Variants in ADAMTS3 observed in about 807,000 individuals in gnomAD.
The protein encoded by ADAMTS3 is A disintegrin and metalloproteinase with thrombospondin motifs 3.
In ADAMTS3, 73 loss-of-function variants were observed where a neutral mutation model predicts 129.0. That is an observed-to-expected ratio of 0.57 (90% CI 0.47 to 0.69). ADAMTS3 has a LOEUF of 0.69. ADAMTS3 is among the 30% of genes least tolerant of loss of function. The pLI is 0.00. For missense variants in ADAMTS3, 1,457 were observed against 1,514.5 expected, an observed-to-expected ratio of 0.96 and a Z score of 0.63; for synonymous variants, 477 against 510.8, an observed-to-expected ratio of 0.93 and a Z score of 0.89.
chr4:72,300,906 C>T (rs1020427629), intron 17 of ADAMTS3, among the ~76,000 whole-genome samples: 6 of 152,120 alleles, frequency 3.9e-5, no homozygotes, highest in Non-Finnish European at 8.8e-5. Flanking sequence ...AGCAGAGTAA[C>T]CCCCAGTCAA....
intron 3 of ADAMTS3, among the ~76,000 whole-genome samples, chr4:72,446,356 G>A (rs751833589): frequency 6.6e-6 from 1 of 151,600 alleles, no homozygotes; most frequent in Non-Finnish European, 1.5e-5. Flanking sequence ...CCTTAACAAG[G>A]AGAATGAGAC....
At chr4:72,545,080 C>A (rs930173299) in intron 3 of ADAMTS3, among the ~76,000 whole-genome samples, 2 of 151,586 alleles carry the variant, frequency 1.3e-5, no homozygotes, top group African/African-American at 2.4e-5. Context: ...TTTGAAAACT[C>A]TTTTTTTTGT....
intron 4 of ADAMTS3, among the ~76,000 whole-genome samples, chr4:72,373,910 A>C (rs1299889151): frequency 1.3e-4 from 1 of 7,824 alleles, no homozygotes; most frequent in Admixed American, 6.8e-3. Flanking sequence ...AATAATAATA[A>C]TAATAATAAT....
intron 3 of ADAMTS3, among the ~76,000 whole-genome samples, chr4:72,474,214 A>C (rs1354372734): frequency 1.3e-5 from 2 of 152,254 alleles, no homozygotes; most frequent in Non-Finnish European, 2.9e-5. Flanking sequence ...AAATGAAAAA[A>C]GACAATTAAT....
chr4:72,548,412 T>C (rs1721520533), intron 3 of ADAMTS3, 66 bp downstream of exon 3: 9 of 1,507,004 alleles, frequency 6.0e-6, no homozygotes, highest in African/African-American at 2.8e-5. Flanking sequence ...CCTTCCAAAC[T>C]ATGCAGAAGC....
intron 3 of ADAMTS3, among the ~76,000 whole-genome samples, chr4:72,496,051 A>G (rs1412233418): frequency 6.6e-6 from 1 of 152,130 alleles, no homozygotes; most frequent in East Asian, 1.9e-4. Context: ...TTTTCCATTT[A>G]ATCTTTTGAA....
intron 3 of ADAMTS3, among the ~76,000 whole-genome samples, chr4:72,512,499 A>G (rs1249863364): frequency 6.6e-6 from 1 of 152,190 alleles, no homozygotes; most frequent in African/African-American, 2.4e-5. Context: ...CTCAAAAATA[A>G]ATGAATAAAT....
Position 72,311,187 on chromosome 4 carries a change from T to A in ADAMTS3, c.1922-6A>T, listed in dbSNP as rs201958567. Reference sequence around the variant, plus strand: ...AAGGTGGCATCTTTTCTTGGCTGCATAAGATGGAGGATAAAATTAACTATT... The same window carrying A: ...AAGGTGGCATCTTTTCTTGGCTGCAAAAGATGGAGGATAAAATTAACTATT... On this transcript the variant is annotated splice_region_variant and splice_polypyrimidine_tract_variant and intron_variant, in intron 13 of 21. Coordinates refer to ENST00000286657, the MANE Select transcript of ADAMTS3 (RefSeq NM_014243.3). 6.2e-7 allele frequency: 1 copy of A among 1,606,298 alleles called. No homozygotes were observed. The highest frequency in any genetic ancestry group is 8.5e-7 in the Non-Finnish European group (1 of 1,176,194).
At chr4:72,348,797 T>C (rs1478476085) in intron 4 of ADAMTS3, among the ~76,000 whole-genome samples, 1 of 151,524 alleles carries the variant, frequency 6.6e-6, no homozygotes, top group Admixed American at 6.6e-5. Flanking sequence ...ATCTAGTTGC[T>C]GACAGTGAAC....
At chr4:72,439,728 CATCT>C (rs1270167489) in intron 3 of ADAMTS3, among the ~76,000 whole-genome samples, 2 of 151,652 alleles carry the variant, frequency 1.3e-5, no homozygotes, top group Non-Finnish European at 3.0e-5. Context: ...TTTTTCTTGC[CATCT>C]TTCTCACAAA....
At chr4:72,521,904 C>T (rs1720684805) in intron 3 of ADAMTS3, among the ~76,000 whole-genome samples, 1 of 152,106 alleles carries the variant, frequency 6.6e-6, no homozygotes, top group African/African-American at 2.4e-5. Flanking sequence ...AAGTACTGCT[C>T]TACTTAGATC....
chr4:72,466,365 G>A (rs975885250), intron 3 of ADAMTS3, among the ~76,000 whole-genome samples: 2 of 152,034 alleles, frequency 1.3e-5, no homozygotes, highest in Non-Finnish European at 2.9e-5. Context: ...TGGCAAGAAA[G>A]ACCACTGGAT....
intron 4 of ADAMTS3, among the ~76,000 whole-genome samples, chr4:72,386,447 A>G (rs1721451399): frequency 6.6e-6 from 1 of 151,820 alleles, no homozygotes; most frequent in Admixed American, 6.6e-5. Context: ...AGCAACACAA[A>G]GCAAGGAATC....
At chr4:72,305,383 C>A (rs767138541) in intron 16 of ADAMTS3, among the ~76,000 whole-genome samples, 14 of 151,878 alleles carry the variant, frequency 9.2e-5, no homozygotes, top group Non-Finnish European at 1.6e-4. Flanking sequence ...ATGTGAAATA[C>A]AATAAAAATA....
chr4:72,349,766 C>T (rs1008656645), intron 4 of ADAMTS3, among the ~76,000 whole-genome samples: 1 of 151,916 alleles, frequency 6.6e-6, no homozygotes, highest in African/African-American at 2.4e-5. Context: ...CATATGTATG[C>T]TACTTGCAAT....
Position 72,298,455 on chromosome 4 carries a change from T to C in ADAMTS3, c.2425-13A>G. The C allele has an allele frequency of 6.4e-7, 1 of 1,562,352 alleles. No individual in the cohort carries two copies. The highest frequency in any genetic ancestry group is 1.2e-5 in the South Asian group (1 of 82,156). On this transcript the variant is annotated splice_polypyrimidine_tract_variant and intron_variant, in intron 17 of 21. Transcript: ENST00000286657. ...CTTGAGGTATAATCTAACATACACATGAAATCAATATGTAAATCACCTGAG... is the reference window on the plus strand; with the variant it reads ...CTTGAGGTATAATCTAACATACACACGAAATCAATATGTAAATCACCTGAG...
chr4:72,360,688 T>C (rs980110527), intron 4 of ADAMTS3, among the ~76,000 whole-genome samples: 1 of 152,064 alleles, frequency 6.6e-6, no homozygotes, highest in Non-Finnish European at 1.5e-5. Flanking sequence ...TTGACTTTCA[T>C]ACCTAAGATA....
intron 4 of ADAMTS3, among the ~76,000 whole-genome samples, chr4:72,411,472 T>C (rs1267149637): frequency 1.3e-5 from 2 of 152,040 alleles, no homozygotes; most frequent in Non-Finnish European, 2.9e-5. Context: ...GTGCAGTGTA[T>C]ACCTTCAGAT....
In ADAMTS3 at chr4:72,456,064, C is replaced by T. The variant is rs796724380; in HGVS notation, c.505-41093G>A. On this transcript the variant is annotated intron_variant, in intron 3 of 21. Coordinates refer to ENST00000286657, the MANE Select transcript of ADAMTS3 (RefSeq NM_014243.3). The stretch of plus-strand genomic sequence containing the variant: ...GTATATATACTATATATATATTTTA[C>T]ATATAGTATATATACTATATATATT... Among the ~76,000 whole-genome samples the T allele has an allele frequency of 3.0e-3, 18 of 5,932 alleles. 3 individuals carry two copies. The highest frequency in any genetic ancestry group is 0.011 in the African/African-American group (15 of 1,384). The allele number at this position is 5,932 out of a possible 152,430, so 3.9% of individuals were successfully genotyped here. A position where few individuals can be genotyped will look rare whatever the true frequency, so the allele number is the denominator to read the frequency against.
Sources: gnomAD v4.1 joint callset for allele counts (sites outside exome capture counted in the v4.1 genomes callset) on GRCh38, gnomAD v4.1.1 for gene constraint, MANE v1.5 for transcripts, NCBI Gene and HGNC (gene_info 2026-07-23, HGNC 2026-07-21) for gene names.